The following DYNC2H1 variants were observed in gnomAD, a reference collection of about 807,000 sequenced individuals.
The protein encoded by DYNC2H1 is cytoplasmic dynein 2 heavy chain 1.
In DYNC2H1, 410 loss-of-function variants were observed where a neutral mutation model predicts 570.0. The observed-to-expected ratio is 0.72, with a 90% confidence interval of 0.66 to 0.78. The LOEUF is 0.78. Ranked by LOEUF, DYNC2H1 falls within the 30% of genes least tolerant of loss-of-function variation. The pLI is 0.00. For synonymous variants in DYNC2H1, 1,688 were observed against 1,677.6 expected, an observed-to-expected ratio of 1.01 and a Z score of -0.15; for missense variants, 4,865 against 5,046.4, an observed-to-expected ratio of 0.96 and a Z score of 1.09.
intron 59 of DYNC2H1, among the ~76,000 whole-genome samples, chr11:103,229,041 C>G (rs138202706): frequency 6.6e-6 from 1 of 152,106 alleles, no homozygotes; most frequent in Non-Finnish European, 1.5e-5. Flanking sequence ...CAGGCCTCAC[C>G]GGCCTCCTAT....
intron 88 of DYNC2H1, 139 bp from the exon 89 acceptor site, chr11:103,478,955 CA>C: frequency 1.1e-6 from 1 of 947,664 alleles, no homozygotes; most frequent in Non-Finnish European, 1.5e-6. Flanking sequence ...CATTTTGTTG[CA>C]GGGGGATGAT....
intron 75 of DYNC2H1, among the ~76,000 whole-genome samples, chr11:103,294,540 C>A (rs1394768488): frequency 1.3e-5 from 2 of 152,184 alleles, no homozygotes; most frequent in African/African-American, 4.8e-5. Context: ...TAGACAAAAT[C>A]TTTTGCTCTC....
chr11:103,248,173 A>G (rs990924257), intron 65 of DYNC2H1, among the ~76,000 whole-genome samples: 2 of 151,858 alleles, frequency 1.3e-5, no homozygotes. Context: ...TGAAATGTTT[A>G]TTTCCTTCTT....
chr11:103,185,957 G>A lies in DYNC2H1; in HGVS notation c.6634-285G>A, dbSNP rs1004375631. Among the ~76,000 whole-genome samples the A allele has an allele frequency of 2.6e-5, 4 of 151,868 alleles. No homozygotes were observed. The highest frequency in any genetic ancestry group is 5.9e-5 in the Non-Finnish European group (4 of 67,924). On this transcript the variant is annotated intron_variant, in intron 41 of 88. Coordinates refer to ENST00000375735, the MANE Select transcript of DYNC2H1 (RefSeq NM_001377.3). This position sits in a 1 kb window ranked among gnomAD's most constrained non-coding sequence, Gnocchi z 4.5. ...TGCATTCTGTACTTTGTGATTTAATGTTAATAAGAACTCCATTAAAATGGA... is the reference window on the plus strand; with the variant it reads ...TGCATTCTGTACTTTGTGATTTAATATTAATAAGAACTCCATTAAAATGGA...
At chr11:103,207,884 T>C (rs1863001688) in intron 52 of DYNC2H1, among the ~76,000 whole-genome samples, 1 of 152,070 alleles carries the variant, frequency 6.6e-6, no homozygotes. Context: ...TATAAGAATA[T>C]AATTATTTTG....
chr11:103,168,280 A>G (rs1488497863), intron 31 of DYNC2H1, among the ~76,000 whole-genome samples: 5 of 152,164 alleles, frequency 3.3e-5, no homozygotes, highest in Non-Finnish European at 2.9e-5. Context: ...TGTCTACACC[A>G]GTTTCGGTTT....
chr11:103,411,978 A>C (rs1211959917), intron 84 of DYNC2H1, among the ~76,000 whole-genome samples: 1 of 152,150 alleles, frequency 6.6e-6, no homozygotes, highest in Admixed American at 6.6e-5. Context: ...ATTCTGTCAC[A>C]GGTGGTATTC....
Position 103,127,687 on chromosome 11 carries a change from C to T in DYNC2H1, c.1858-1223C>T, listed in dbSNP as rs1030390973. On this transcript the variant is annotated intron_variant, in intron 12 of 88. Transcript: ENST00000375735. ...GTCCACTTGATCTTATTCCCTGAAC[C>T]GCTCCTTTTTCCACCAACACAGTTA... Among the ~76,000 whole-genome samples the T allele has an allele frequency of 4.6e-5, 7 of 152,126 alleles. No individual in the cohort carries two copies. In the East Asian group the frequency reaches 9.6e-4, roughly 21 times the overall value.
chr11:103,215,271 T>A (rs1203166372), intron 54 of DYNC2H1, among the ~76,000 whole-genome samples: 1 of 152,182 alleles, frequency 6.6e-6, no homozygotes, highest in African/African-American at 2.4e-5. Context: ...TTCAGTGTGA[T>A]GTGGGCAGAG....
chr11:103,338,791 G>A (rs1939289583), intron 82 of DYNC2H1, among the ~76,000 whole-genome samples: 1 of 151,834 alleles, frequency 6.6e-6, no homozygotes, highest in Admixed American at 6.6e-5. Flanking sequence ...GAGGTCACAT[G>A]TCTTCATCAC....
intron 55 of DYNC2H1, 151 bp downstream of exon 55, chr11:103,216,009 T>A: frequency 1.1e-6 from 1 of 902,362 alleles, no homozygotes; most frequent in Non-Finnish European, 1.6e-6. Flanking sequence ...TAAGCTTTTG[T>A]GGAAGGGCAT....
chr11:103,190,109 C>G (rs1487482142), intron 45 of DYNC2H1, among the ~76,000 whole-genome samples: 1 of 152,118 alleles, frequency 6.6e-6, no homozygotes, highest in Non-Finnish European at 1.5e-5. Context: ...TCTTCTTTCC[C>G]AAAACAGATC....
chr11:103,123,805 T>G (rs1402464728), intron 11 of DYNC2H1, among the ~76,000 whole-genome samples: 1 of 142,886 alleles, frequency 7.0e-6, no homozygotes, highest in Non-Finnish European at 1.5e-5. Flanking sequence ...CTCATTAGGC[T>G]TTGAAACCCC....
chr11:103,158,508 G>GT (rs1428572389), intron 26 of DYNC2H1, among the ~76,000 whole-genome samples, 169 bp from the exon 27 acceptor site: 1 of 152,026 alleles, frequency 6.6e-6, no homozygotes, highest in African/African-American at 2.4e-5. Flanking sequence ...AATATAAGAA[G>GT]TTAAAAATGA....
intron 82 of DYNC2H1, among the ~76,000 whole-genome samples, chr11:103,336,314 A>C (rs1939125691): frequency 6.6e-6 from 1 of 152,168 alleles, no homozygotes; most frequent in Admixed American, 6.5e-5. Flanking sequence ...CTACTTCTCT[A>C]GTTATTTTGA....
intron 17 of DYNC2H1, among the ~76,000 whole-genome samples, chr11:103,141,739 A>T (rs888638693): frequency 2.0e-5 from 3 of 152,218 alleles, no homozygotes; most frequent in Admixed American, 6.5e-5. Flanking sequence ...TGCTCTCTTC[A>T]AAGCTGTCAG....
At chr11:103,400,887 A>G (rs1591688064) in intron 84 of DYNC2H1, among the ~76,000 whole-genome samples, 1 of 152,104 alleles carries the variant, frequency 6.6e-6, no homozygotes, top group Middle Eastern at 3.4e-3. Flanking sequence ...TCTGTTTTGC[A>G]TTGTTTTTTC....
Position 103,245,450 on chromosome 11 carries a change from T to C in DYNC2H1, c.10042+76T>C. ...TAAGTAATTAAACCAGGTGCAAGCTTTCAAGAGTCCTCTTCCAGTGGAGTC... is the reference window on the plus strand; with the variant it reads ...TAAGTAATTAAACCAGGTGCAAGCTCTCAAGAGTCCTCTTCCAGTGGAGTC... On this transcript the variant is annotated intron_variant, in intron 65 of 88. Transcript: ENST00000375735. This position sits in a 1 kb window ranked among gnomAD's most constrained non-coding sequence, Gnocchi z 4.5. The C allele has an allele frequency of 7.0e-7, 1 of 1,431,228 alleles. No homozygotes were observed. The highest frequency in any genetic ancestry group is 1.4e-5 in the African/African-American group (1 of 69,258). 88.7% of individuals were successfully genotyped at this position (1,431,228 alleles called of 1,614,324 possible).
intron 47 of DYNC2H1, 28 bp from the exon 48 acceptor site, chr11:103,197,905 A>T: frequency 6.4e-7 from 1 of 1,555,758 alleles, no homozygotes; most frequent in Non-Finnish European, 8.7e-7. Flanking sequence ...TAATGCATAT[A>T]AAACAAAAAT....
Sources: gnomAD v4.1 joint callset for allele counts (sites outside exome capture counted in the v4.1 genomes callset) on GRCh38, gnomAD v4.1.1 for gene constraint, Gnocchi (gnomAD v3.1) non-coding constraint, MANE v1.5 for transcripts, NCBI Gene and HGNC (gene_info 2026-07-23, HGNC 2026-07-21) for gene names.